The following TRIM16 variants were observed in gnomAD, a reference collection of about 807,000 sequenced individuals.
TRIM16 encodes tripartite motif-containing protein 16.
A neutral mutation model predicts 50.4 loss-of-function variants in TRIM16; 33 were observed. That is an observed-to-expected ratio of 0.65 (90% CI 0.50 to 0.88). The LOEUF (loss-of-function observed/expected upper bound fraction) is 0.88. TRIM16 is among the 40% of genes least tolerant of loss of function. The probability of loss-of-function intolerance (pLI) is 0.00; values close to 1 mark genes in which losing one functional copy is unlikely to be tolerated. For missense variants in TRIM16, 581 were observed against 686.8 expected (o/e 0.85, Z 1.72); for synonymous variants, 229 against 270.7 (o/e 0.85, Z 1.51).
At position 15,674,077 on chromosome 17, in the gene TRIM16, A is replaced by G. The variant is rs559946677; in HGVS notation, c.-338+3099T>C. ...AAAGCAAAATAGATTCCTCATCAAC[A>G]GAAGACACAATAGGCCGGGCGCGGT... is the stretch of plus-strand genomic sequence containing the variant. On this transcript the variant is annotated intron_variant, in intron 6 of 11. Coordinates refer to ENST00000649191, the MANE Select transcript of TRIM16 (RefSeq NM_001348119.1). Among the ~76,000 whole-genome samples the G allele has an allele frequency of 2.5e-3, 385 of 152,332 alleles. 1 individual carries two copies. The highest frequency in any genetic ancestry group is 8.9e-3 in the African/African-American group (372 of 41,574).
intron 8 of TRIM16, among the ~76,000 whole-genome samples, chr17:15,642,152 A>G: frequency 6.7e-6 from 1 of 149,206 alleles, no homozygotes; most frequent in East Asian, 2.0e-4. Flanking sequence ...CCTGTTTTGC[A>G]TTCTCTTCTG....
Position 15,651,699 on chromosome 17 carries a change from T to C in TRIM16, c.-90A>G. The C allele has an allele frequency of 6.5e-7, 1 of 1,546,370 alleles. No homozygotes were observed. The highest frequency in any genetic ancestry group is 8.7e-7 in the Non-Finnish European group (1 of 1,149,700). ...GTCAGACAAGAGAACCACGCCTAGA[T>C]GATTGCAGCTGCTGCAAGATTTTAA... On this transcript the variant is annotated 5_prime_UTR_variant, in exon 7 of 12. Transcript: ENST00000649191.
At position 15,656,650 on chromosome 17, in the gene TRIM16, A is replaced by G. The variant is rs142523841; in HGVS notation, c.-337-4704T>C. Among the ~76,000 whole-genome samples the G allele has an allele frequency of 5.2e-3, 795 of 152,300 alleles. 8 individuals are homozygous for G. The highest frequency in any genetic ancestry group is 0.018 in the African/African-American group (749 of 41,562). On this transcript the variant is annotated intron_variant, in intron 6 of 11. Coordinates refer to ENST00000649191, the MANE Select transcript of TRIM16 (RefSeq NM_001348119.1). ...CCCAGTCATTCCCCTTAGTGACAGA[A>G]GATTTAACGCTTCTGGCTCCCAGCC... is the stretch of plus-strand genomic sequence containing the variant.
At chr17:15,678,218 C>CAA (rs201145852) in intron 4 of TRIM16, among the ~76,000 whole-genome samples, 21 of 103,892 alleles carry the variant, frequency 2.0e-4, no homozygotes, top group African/African-American at 5.7e-4. Context: ...GACTGTGTCT[C>CAA]AAAAAAAAAA....
intron 7 of TRIM16, among the ~76,000 whole-genome samples, chr17:15,645,255 C>T (rs1987312519): frequency 6.6e-6 from 1 of 152,118 alleles, no homozygotes; most frequent in South Asian, 2.1e-4. Context: ...TTGTATAGTA[C>T]CAGGGACATT....
rs190733132 is a variant in TRIM16 at position 15,670,993 on chromosome 17, T to C, written c.-338+6183A>G. On this transcript the variant is annotated intron_variant, in intron 6 of 11. Coordinates refer to ENST00000649191, the MANE Select transcript of TRIM16 (RefSeq NM_001348119.1). ...CTGATTAAGGTTACGTGGAGTTTTT[T>C]TGGACTTGGATTAATCTGAAGTGCT... Among the ~76,000 whole-genome samples, 38 of 152,410 alleles carry C rather than the reference T, an allele frequency of 2.5e-4. No individual in the cohort carries two copies. The East Asian group carries it at 7.1e-3, about 29-fold the overall frequency.
chr17:15,651,840 C>G lies in TRIM16; in HGVS notation c.-231G>C. On this transcript the variant is annotated 5_prime_UTR_variant, in exon 7 of 12. Coordinates refer to ENST00000649191, the MANE Select transcript of TRIM16 (RefSeq NM_001348119.1). ...GAGTACTCAGGCTCAGGACAGCCGG[C>G]TCAGGCTCAGGCTGCCTCCCCAGGT... 7.0e-7 allele frequency: 1 copy of G among 1,425,710 alleles called. No homozygotes were observed. The highest frequency in any genetic ancestry group is 9.1e-7 in the Non-Finnish European group (1 of 1,094,348). The allele number at this position is 1,425,710 out of a possible 1,614,324, so 88.3% of individuals were successfully genotyped here. A position where few individuals can be genotyped will look rare whatever the true frequency, so the allele number is the denominator to read the frequency against.
chr17:15,648,144 T>C (rs1164671458), intron 7 of TRIM16, among the ~76,000 whole-genome samples: 5 of 149,630 alleles, frequency 3.3e-5, no homozygotes, highest in African/African-American at 1.2e-4. Flanking sequence ...GAGAATGGCA[T>C]GAACCCGGGA....
chr17:15,628,900 T>C lies in TRIM16; in HGVS notation c.1410A>G (p.Gln470=), dbSNP rs199593601. ...ISGNNFSWSL[Q]WNGKEFTAWY... ...AGGCCGTGAACTCCTTCCCGTTCCATTGGAGGCTCCAGGAGAAGTTGTTTC... is the reference window on the plus strand; with the variant it reads ...AGGCCGTGAACTCCTTCCCGTTCCACTGGAGGCTCCAGGAGAAGTTGTTTC... Residue 470 remains glutamine, a synonymous_variant, in exon 12 of 12, where the codon CAA becomes CAG. Coordinates refer to ENST00000649191, the MANE Select transcript of TRIM16 (RefSeq NM_001348119.1). The C allele has an allele frequency of 2.0e-5, 33 of 1,614,082 alleles. No individual in the cohort carries two copies. In the African/African-American group the frequency reaches 2.1e-4, roughly 10 times the overall value.
chr17:15,630,651 T>C (rs1986367054), intron 11 of TRIM16, among the ~76,000 whole-genome samples: 2 of 151,536 alleles, frequency 1.3e-5, no homozygotes, highest in South Asian at 2.1e-4. Context: ...TCTACAATTG[T>C]TTAAAAATTT....
At chr17:15,676,449 T>A (rs1988949770) in intron 6 of TRIM16, among the ~76,000 whole-genome samples, 1 of 124,780 alleles carries the variant, frequency 8.0e-6, no homozygotes, top group African/African-American at 3.3e-5. Context: ...TTTTTTTTTT[T>A]CTTGAGATGG....
At chr17:15,637,200 T>G (rs1156771532) in intron 8 of TRIM16, among the ~76,000 whole-genome samples, 3 of 104,474 alleles carry the variant, frequency 2.9e-5, no homozygotes, top group African/African-American at 3.9e-5. Flanking sequence ...TGGCCAGCCG[T>G]GCCGTCCGGG....
rs142500627 is a variant in TRIM16 at position 15,683,734 on chromosome 17, T to C, written c.-899+462A>G. Reference sequence around the variant, plus strand: ...AGAACACGAGACACAGAGAGTAACCTGCCTACGCTCACATCAGAGCAATAC... The same window carrying C: ...AGAACACGAGACACAGAGAGTAACCCGCCTACGCTCACATCAGAGCAATAC... On this transcript the variant is annotated intron_variant, in intron 1 of 11. Coordinates refer to ENST00000649191, the MANE Select transcript of TRIM16 (RefSeq NM_001348119.1). 1,329 of 154,672 alleles carry C rather than the reference T, an allele frequency of 8.6e-3. 5 individuals are homozygous for C. Among genetic ancestry groups the C allele is most frequent in the Middle Eastern group, 0.02 (6 of 296 alleles). The allele number at this position is 154,672 out of a possible 1,614,324, so 9.6% of individuals were successfully genotyped here.
chr17:15,636,796 A>G (rs1453185652), intron 8 of TRIM16, among the ~76,000 whole-genome samples: 1 of 149,010 alleles, frequency 6.7e-6, no homozygotes, highest in African/African-American at 2.5e-5. Context: ...GCAGACGACC[A>G]TGGCACCCAA....
At chr17:15,668,483 C>A (rs777604144) in intron 6 of TRIM16, among the ~76,000 whole-genome samples, 60 of 152,138 alleles carry the variant, frequency 3.9e-4, no homozygotes, top group Non-Finnish European at 7.5e-4. Context: ...GAATAAAGAT[C>A]CAAATTTGAA....
chr17:15,657,169 C>G (rs1351961160), intron 6 of TRIM16, among the ~76,000 whole-genome samples: 1 of 152,144 alleles, frequency 6.6e-6, no homozygotes, highest in Non-Finnish European at 1.5e-5. Flanking sequence ...ATACAAATAA[C>G]ATAAAATTTA....
At chr17:15,652,446 G>A (rs534085550) in intron 6 of TRIM16, among the ~76,000 whole-genome samples, 56 of 134,288 alleles carry the variant, frequency 4.2e-4, no homozygotes, top group African/African-American at 1.3e-3. Context: ...GGTGAGCCAC[G>A]GTGCCCACCT....
intron 6 of TRIM16, among the ~76,000 whole-genome samples, chr17:15,662,670 C>T (rs1200559880): frequency 3.3e-5 from 5 of 152,212 alleles, no homozygotes; most frequent in African/African-American, 1.2e-4. Flanking sequence ...CCACCACCAG[C>T]ACCATCATAG....
At chr17:15,655,726 C>CTGGT (rs1023824789) in intron 6 of TRIM16, among the ~76,000 whole-genome samples, 1 of 152,148 alleles carries the variant, frequency 6.6e-6, no homozygotes, top group African/African-American at 2.4e-5. Flanking sequence ...ACGCACCCAC[C>CTGGT]ACCATGCCTG....
Sources: gnomAD v4.1 joint callset for allele counts (sites outside exome capture counted in the v4.1 genomes callset) on GRCh38, gnomAD v4.1.1 for gene constraint, MANE v1.5 for transcripts, NCBI Gene and HGNC (gene_info 2026-07-23, HGNC 2026-07-21) for gene names.